Variants in FRMD6 observed in about 807,000 individuals in gnomAD.
FRMD6 encodes the protein FERM domain containing 6, also known as FERM domain-containing protein 6.
In FRMD6, 37 loss-of-function variants were observed where a neutral mutation model predicts 73.2. That is an observed-to-expected ratio of 0.51 (90% CI 0.39 to 0.66). FRMD6 has a LOEUF of 0.66. Among genes scored for constraint, FRMD6 ranks in the 30% least tolerant of loss-of-function variants. The pLI is 0.00. For missense variants in FRMD6, 714 were observed against 780.5 expected, an observed-to-expected ratio of 0.91 and a Z score of 1.02; for synonymous variants, 273 against 282.2, an observed-to-expected ratio of 0.97 and a Z score of 0.33.
At chr14:51,434,613 TA>T in the FRMD6 span, among the ~76,000 whole-genome samples, 2 of 152,118 alleles carry the variant, frequency 1.3e-5, no homozygotes, top group Non-Finnish European at 2.9e-5. Flanking sequence ...TTAATAAATG[TA>T]GAGGAAATTA....
the FRMD6 span, among the ~76,000 whole-genome samples, chr14:51,412,530 T>C: frequency 3.3e-5 from 5 of 152,170 alleles, no homozygotes; most frequent in African/African-American, 9.7e-5. Context: ...TTTGTCTGGC[T>C]CAGTGAATCT....
At chr14:51,603,377 T>A (rs2139817963) in intron 2 of FRMD6, among the ~76,000 whole-genome samples, 1 of 152,232 alleles carries the variant, frequency 6.6e-6, no homozygotes, top group Non-Finnish European at 1.5e-5. Flanking sequence ...ATCAAAAATA[T>A]CATCAAAAAG....
At chr14:51,701,027 C>T in intron 3 of FRMD6, 29 bp from the exon 4 acceptor site, 1 of 1,086,622 alleles carries the variant, frequency 9.2e-7, no homozygotes, top group African/African-American at 1.6e-5. Context: ...CTTTCTTTAG[C>T]ATGTCGTCTC....
At chr14:51,632,781 C>A (rs944417296) in intron 2 of FRMD6, among the ~76,000 whole-genome samples, 1 of 152,216 alleles carries the variant, frequency 6.6e-6, no homozygotes, top group Non-Finnish European at 1.5e-5. Flanking sequence ...CTGATTGAGA[C>A]ACTGGTTAAT....
At chr14:51,654,663 T>A (rs1892696487) in intron 1 of FRMD6, among the ~76,000 whole-genome samples, 1 of 152,086 alleles carries the variant, frequency 6.6e-6, no homozygotes, top group East Asian at 1.9e-4. Context: ...ATTAATTCAG[T>A]CCAGATGTAA....
chr14:51,490,683 C>T (rs1449234562), intron 1 of FRMD6, among the ~76,000 whole-genome samples: 3 of 151,620 alleles, frequency 2.0e-5, no homozygotes, highest in Non-Finnish European at 4.4e-5. Flanking sequence ...ACCTCTTATT[C>T]GTGTTGCCAA....
chr14:51,429,945 G>A, the FRMD6 span, among the ~76,000 whole-genome samples: 1 of 152,060 alleles, frequency 6.6e-6, no homozygotes, highest in Non-Finnish European at 1.5e-5. Flanking sequence ...CCACCTTGGG[G>A]CAAAAAGTTA....
intron 2 of FRMD6, among the ~76,000 whole-genome samples, chr14:51,618,202 C>T (rs1419696416): frequency 6.6e-6 from 1 of 152,220 alleles, no homozygotes; most frequent in East Asian, 1.9e-4. Flanking sequence ...TTTTAGAAGA[C>T]TGACATTTTA....
intron 7 of FRMD6, among the ~76,000 whole-genome samples, chr14:51,710,655 ATGTTCATG>A (rs1414092767): frequency 6.6e-6 from 1 of 152,182 alleles, no homozygotes; most frequent in East Asian, 1.9e-4. Flanking sequence ...ATTTCATCCC[ATGTTCATG>A]GGAAAGCTGG....
chr14:51,609,691 G>C (rs1341962706), intron 2 of FRMD6, among the ~76,000 whole-genome samples: 1 of 152,176 alleles, frequency 6.6e-6, no homozygotes, highest in Non-Finnish European at 1.5e-5. Flanking sequence ...ACTGAGTAAG[G>C]GGAGATGGGG....
chr14:51,545,134 TA>T (rs1429572636), intron 1 of FRMD6, among the ~76,000 whole-genome samples: 3 of 152,156 alleles, frequency 2.0e-5, no homozygotes, highest in Non-Finnish European at 4.4e-5. Context: ...AGACATGCAC[TA>T]GACACAGTTA....
chr14:51,590,204 AAAG>A (rs1263877907), intron 2 of FRMD6, among the ~76,000 whole-genome samples: 6 of 152,234 alleles, frequency 3.9e-5, no homozygotes, highest in African/African-American at 1.4e-4. Flanking sequence ...TTTTACCTAC[AAAG>A]AAGGACTCTC....
the FRMD6 span, among the ~76,000 whole-genome samples, chr14:51,416,136 T>C: frequency 3.9e-3 from 589 of 152,330 alleles, 2 homozygotes; most frequent in East Asian, 8.7e-3. Context: ...GAAGGGTTTT[T>C]TGTGTCTCTA....
the FRMD6 span, among the ~76,000 whole-genome samples, chr14:51,421,944 G>A: frequency 2.6e-5 from 4 of 152,318 alleles, no homozygotes; most frequent in African/African-American, 7.2e-5. Context: ...ATCTGCCATA[G>A]GAAGTAGGGT....
At chr14:51,465,667 T>C in the FRMD6 span, among the ~76,000 whole-genome samples, 2 of 152,258 alleles carry the variant, frequency 1.3e-5, no homozygotes, top group African/African-American at 4.8e-5. Flanking sequence ...TAGTATTCTA[T>C]TGCATGGATA....
chr14:51,415,063 G>C, the FRMD6 span, among the ~76,000 whole-genome samples: 1 of 152,256 alleles, frequency 6.6e-6, no homozygotes, highest in East Asian at 1.9e-4. Context: ...TGAGATGATG[G>C]GGTTTTCTAA....
At chr14:51,633,637 C>T in intron 2 of FRMD6, among the ~76,000 whole-genome samples, 1 of 139,994 alleles carries the variant, frequency 7.1e-6, no homozygotes, top group African/African-American at 2.7e-5. Context: ...AATTATATGT[C>T]ATAGTTTAAG....
At chr14:51,602,613 G>T (rs1215833595) in intron 2 of FRMD6, among the ~76,000 whole-genome samples, 1 of 152,124 alleles carries the variant, frequency 6.6e-6, no homozygotes, top group East Asian at 1.9e-4. Context: ...TGCTATGATG[G>T]CATGGCTGAG....
Position 51,722,049 on chromosome 14 carries a change from G to A in FRMD6, c.1461G>A (p.Met487Ile), listed in dbSNP as rs755567267. Residue 487 changes from methionine to isoleucine, a missense_variant, in exon 12 of 14, where the codon ATG (methionine) becomes ATA (isoleucine). Physicochemically the swap from Met to Ile is conservative, Grantham distance 10. Coordinates refer to ENST00000344768, the MANE Select transcript of FRMD6 (RefSeq NM_001267046.2). ...PDMCIYITED[M>I]LMSRKLNGHS... ...TGTGCATCTACATCACAGAGGACATGCTCATGTCGCGGAAGCTGAATGGAC... is the reference window on the plus strand; with the variant it reads ...TGTGCATCTACATCACAGAGGACATACTCATGTCGCGGAAGCTGAATGGAC... 6 of 1,614,060 alleles carry A rather than the reference G, an allele frequency of 3.7e-6. No homozygotes were observed. The highest frequency in any genetic ancestry group is 5.1e-6 in the Non-Finnish European group (6 of 1,180,048).
Sources: allele counts gnomAD v4.1 joint callset (sites outside exome capture counted in the v4.1 genomes callset), GRCh38; gene constraint gnomAD v4.1.1; transcripts MANE v1.5; gene names NCBI Gene and HGNC (gene_info 2026-07-23, HGNC 2026-07-21).